CELF1: variants seen among roughly 807,000 people sequenced by gnomAD.
CELF1 encodes 50 kDa nuclear polyadenylated RNA-binding protein.
Under a neutral mutation model 61.8 loss-of-function variants are expected in CELF1, and 10 were observed. The observed-to-expected ratio is 0.16, with a 90% CI of 0.10 to 0.27. The LOEUF (loss-of-function observed/expected upper bound fraction) is 0.27. Among genes scored for constraint, CELF1 ranks in the 10% least tolerant of loss-of-function variants. CELF1 has a pLI of 1.00. For missense variants in CELF1, 380 were observed against 639.1 expected, an observed-to-expected ratio of 0.59 and a Z score of 4.37; for synonymous variants, 236 against 225.1, an observed-to-expected ratio of 1.05 and a Z score of -0.43.
rs550735781 is a variant in CELF1 at position 47,490,130 on chromosome 11, G to A, written c.72-1106C>T. 1.3e-3 allele frequency among the ~76,000 whole-genome samples: 199 copies of A among 151,144 alleles called. 1 individual carries two copies. Among genetic ancestry groups the A allele is most frequent in the Middle Eastern group, 0.01 (3 of 292 alleles). ...ATTTTTGTATTTTTAGTAGAGACGG[G>A]CTTTCACCATGTTGGCCAGGCTAGT... On this transcript the variant is annotated intron_variant, in intron 3 of 14. Transcript: ENST00000687097.
In CELF1 at chr11:47,553,105, C is replaced by T. The variant is rs1399735277; in HGVS notation, c.-267G>A. On this transcript the variant is annotated 5_prime_UTR_variant, in exon 1 of 15. Transcript: ENST00000687097. ...CGGGGGAGCCTCCGCGTCCCGCCGCCGCTGCCGCTGCCGCCAGAGCAGAAC... is the reference window on the plus strand; with the variant it reads ...CGGGGGAGCCTCCGCGTCCCGCCGCTGCTGCCGCTGCCGCCAGAGCAGAAC... 1 of 398,240 alleles carries T rather than the reference C, an allele frequency of 2.5e-6. No homozygotes were observed. The highest frequency in any genetic ancestry group is 3.6e-5 in the East Asian group (1 of 28,060). 24.7% of individuals were successfully genotyped at this position (398,240 alleles called of 1,614,324 possible). A position where few individuals can be genotyped will look rare whatever the true frequency, so the allele number is the denominator to read the frequency against.
Position 47,491,635 on chromosome 11 carries a change from A to G in CELF1, c.72-2611T>C, listed in dbSNP as rs538950652. Among the ~76,000 whole-genome samples, 612 of 152,134 alleles carry G rather than the reference A, an allele frequency of 4.0e-3. 2 individuals are homozygous for G. The highest frequency in any genetic ancestry group is 6.6e-3 in the Admixed American group (101 of 15,292). ...TTAACTAATCAGCTACAATCCTAGGACTCCAACAGTACTAAATTTCCACCT... is the reference window on the plus strand; with the variant it reads ...TTAACTAATCAGCTACAATCCTAGGGCTCCAACAGTACTAAATTTCCACCT... On this transcript the variant is annotated intron_variant, in intron 3 of 14. Transcript: ENST00000687097.
At chr11:47,486,454 G>A (rs1405257197) in intron 6 of CELF1, among the ~76,000 whole-genome samples, 1 of 151,796 alleles carries the variant, frequency 6.6e-6, no homozygotes, top group Non-Finnish European at 1.5e-5. Flanking sequence ...CTGTTGCCTG[G>A]GCGGGAGTAC....
rs149234517 is a variant in CELF1, at chr11:47,545,915, A to T, written c.-154+7077T>A. Among the ~76,000 whole-genome samples, 777 of 135,882 alleles carry T rather than the reference A, an allele frequency of 5.7e-3. 6 individuals are homozygous for T. Among genetic ancestry groups the T allele is most frequent in the East Asian group, 0.019 (87 of 4,666 alleles). The allele number at this position is 135,882 out of a possible 152,430, so 89.1% of individuals were successfully genotyped here. A position where few individuals can be genotyped will look rare whatever the true frequency, so the allele number is the denominator to read the frequency against. On this transcript the variant is annotated intron_variant, in intron 1 of 14. Transcript: ENST00000687097. Reference sequence around the variant, plus strand: ...TGTGTGTGTGTGTGTGTATATATATATTTTTTTTTTTTTGAGATGGAGTCT... The same window carrying T: ...TGTGTGTGTGTGTGTGTATATATATTTTTTTTTTTTTTTGAGATGGAGTCT...
chr11:47,486,959 C>G (rs1205821376), intron 5 of CELF1, among the ~76,000 whole-genome samples, 161 bp from the exon 6 acceptor site: 1 of 152,170 alleles, frequency 6.6e-6, no homozygotes, highest in African/African-American at 2.4e-5. Context: ...GTCAAGAAGT[C>G]AAAATACACA....
At chr11:47,552,907 C>T in intron 1 of CELF1, 85 bp downstream of exon 1, 1 of 396,990 alleles carries the variant, frequency 2.5e-6, no homozygotes, top group Non-Finnish European at 4.4e-6. Flanking sequence ...CCTCCCTAAC[C>T]GGACCCGCCC....
chr11:47,502,419 G>A (rs1053662793), intron 1 of CELF1, among the ~76,000 whole-genome samples: 1 of 152,112 alleles, frequency 6.6e-6, no homozygotes, highest in Non-Finnish European at 1.5e-5. Flanking sequence ...AGTGATAAAA[G>A]CAATTATGGG....
chr11:47,562,776 C>G (rs1427728924), intron 2 of CELF1, among the ~76,000 whole-genome samples: 1 of 151,632 alleles, frequency 6.6e-6, no homozygotes, highest in East Asian at 1.9e-4. Context: ...GCGATCTTGG[C>G]TTATCACAAA....
chr11:47,515,174 A>G (rs2095488467), intron 1 of CELF1, among the ~76,000 whole-genome samples: 1 of 152,206 alleles, frequency 6.6e-6, no homozygotes, highest in Non-Finnish European at 1.5e-5. Context: ...TTTGAACCCA[A>G]TGTTCCAGGC....
intron 3 of CELF1, among the ~76,000 whole-genome samples, chr11:47,491,774 T>C (rs1010569293): frequency 3.2e-4 from 48 of 152,368 alleles, no homozygotes; most frequent in African/African-American, 1.1e-3. Flanking sequence ...AACCATTTTA[T>C]TTCCTGTTCA....
intron 1 of CELF1, among the ~76,000 whole-genome samples, chr11:47,518,190 T>C (rs988635724): frequency 4.6e-5 from 7 of 152,214 alleles, no homozygotes; most frequent in Non-Finnish European, 8.8e-5. Context: ...GAAACTGCCA[T>C]TGTCCAGGTG....
At chr11:47,533,993 C>CATAAGTT (rs1002533474) in intron 1 of CELF1, among the ~76,000 whole-genome samples, 8 of 147,368 alleles carry the variant, frequency 5.4e-5, no homozygotes, top group Admixed American at 6.8e-5. Context: ...CAGACCACAA[C>CATAAGTT]ATAAGTTATA....
At position 47,529,359 on chromosome 11, in the gene CELF1, G is replaced by C. The variant is rs190545556; in HGVS notation, c.-154+23633C>G. Among the ~76,000 whole-genome samples, 888 of 151,762 alleles carry C rather than the reference G, an allele frequency of 5.9e-3. 3 individuals carry two copies. Among genetic ancestry groups the C allele is most frequent in the Non-Finnish European group, 9.2e-3 (628 of 67,924 alleles). On this transcript the variant is annotated intron_variant, in intron 1 of 14. Transcript: ENST00000687097. Reference sequence around the variant, plus strand: ...AGGTCAGAAGTTCGAGACCAGCCCGGGTAACGTGGCGAAACCCAATCTCTA... The same window carrying C: ...AGGTCAGAAGTTCGAGACCAGCCCGCGTAACGTGGCGAAACCCAATCTCTA...
intron 9 of CELF1, among the ~76,000 whole-genome samples, chr11:47,481,383 G>A (rs1267935206): frequency 6.6e-6 from 1 of 151,936 alleles, no homozygotes; most frequent in African/African-American, 2.4e-5. Context: ...ACTCACCTCA[G>A]CCTCCCAAAG....
chr11:47,539,423 G>A (rs1054804263), intron 1 of CELF1, among the ~76,000 whole-genome samples: 4 of 152,104 alleles, frequency 2.6e-5, no homozygotes, highest in African/African-American at 7.2e-5. Context: ...AGGCCGATGC[G>A]GACAGAACAC....
At chr11:47,536,361 CATAA>C (rs979129924) in intron 1 of CELF1, among the ~76,000 whole-genome samples, 2 of 152,100 alleles carry the variant, frequency 1.3e-5, no homozygotes, top group African/African-American at 2.4e-5. Context: ...GCGAGATTGT[CATAA>C]ATAAATAGAT....
chr11:47,504,296 A>G (rs1026901031), intron 1 of CELF1, among the ~76,000 whole-genome samples: 1 of 151,980 alleles, frequency 6.6e-6, no homozygotes, highest in Non-Finnish European at 1.5e-5. Flanking sequence ...TGTAAAAAGA[A>G]TTTTTCTGGC....
At chr11:47,481,410 G>GT (rs1227886437) in intron 9 of CELF1, among the ~76,000 whole-genome samples, 1 of 152,050 alleles carries the variant, frequency 6.6e-6, no homozygotes, top group East Asian at 1.9e-4. Flanking sequence ...GATTACAGGC[G>GT]TGAGTCACAG....
chr11:47,523,568 G>A (rs1160867756), intron 1 of CELF1: 1 of 152,286 alleles, frequency 6.6e-6, no homozygotes, highest in African/African-American at 2.4e-5. Flanking sequence ...GAATACATCA[G>A]TGTATAGTCA....
Sources: allele counts gnomAD v4.1 joint callset (sites outside exome capture counted in the v4.1 genomes callset), GRCh38; gene constraint gnomAD v4.1.1; transcripts MANE v1.5; gene names NCBI Gene and HGNC (gene_info 2026-07-23, HGNC 2026-07-21).